The following GEMIN5 variants were observed in gnomAD, a reference collection of about 807,000 sequenced individuals.
The protein encoded by GEMIN5 is gem nuclear organelle associated protein 5, also known as gem-associated protein 5.
A neutral mutation model predicts 176.9 loss-of-function variants in GEMIN5; 124 were observed. The ratio of observed to expected loss-of-function variants is 0.70; its 90% CI spans 0.61 to 0.81. The LOEUF is 0.81. Ranked by LOEUF, GEMIN5 falls within the 40% of genes least tolerant of loss-of-function variation. The probability of loss-of-function intolerance (pLI) is 0.00; values close to 1 mark genes in which losing one functional copy is unlikely to be tolerated. For synonymous variants in GEMIN5, 673 were observed against 665.2 expected (o/e 1.01, Z -0.18); for missense variants, 1,843 against 1,814.6 (o/e 1.02, Z -0.28).
intron 24 of GEMIN5, among the ~76,000 whole-genome samples, chr5:154,894,673 G>A (rs925507744): frequency 1.3e-5 from 2 of 152,054 alleles, no homozygotes; most frequent in African/African-American, 2.4e-5. Context: ...TTGGGAGGCC[G>A]AAGTGGGCAA....
Position 154,936,031 on chromosome 5 carries a change from C to A in GEMIN5, c.328-9G>T, listed in dbSNP as rs1257890178. 6.4e-7 allele frequency: 1 copy of A among 1,551,008 alleles called. No homozygotes were observed. Among genetic ancestry groups the A allele is most frequent in the African/African-American group, 1.4e-5 (1 of 72,226 alleles). On this transcript the variant is annotated splice_polypyrimidine_tract_variant and intron_variant, in intron 2 of 27. Coordinates refer to ENST00000285873, the MANE Select transcript of GEMIN5 (RefSeq NM_015465.5). The stretch of plus-strand genomic sequence containing the variant: ...AATGTTGATATCGTATGCTTTAAAA[C>A]AAAACAAAAATTTGTTATTGTCAAT...
At chr5:154,912,762 T>C in intron 14 of GEMIN5, 137 bp downstream of exon 14, 1 of 708,484 alleles carries the variant, frequency 1.4e-6, no homozygotes, top group Non-Finnish European at 2.2e-6. Flanking sequence ...CTAAAATGCC[T>C]CCTAGAGCCC....
intron 11 of GEMIN5, among the ~76,000 whole-genome samples, chr5:154,919,252 A>T (rs1763872613): frequency 6.6e-6 from 1 of 151,970 alleles, no homozygotes. Flanking sequence ...AATCTCATGA[A>T]CCTAGGAGGC....
At position 154,907,604 on chromosome 5, in the gene GEMIN5, G is replaced by T. The variant is rs144462633; in HGVS notation, c.2382C>A (p.Gly794=). ...EQAREPELPC[G]LAPAVSREPV... is the part of the protein sequence containing the mutation. The stretch of plus-strand genomic sequence containing the variant: ...TCTGCCACATACCCGCTGGAGCAAG[G>T]CCACAGGGTAATTCCGGCTCCCGTG... The change falls in exon 16 of 28, where the codon GGC becomes GGA. Residue 794 remains glycine (G), a synonymous_variant. Transcript: ENST00000285873. 5.1e-5 allele frequency: 83 copies of T among 1,612,850 alleles called. No individual in the cohort carries two copies. Among genetic ancestry groups the T allele is most frequent in the Non-Finnish European group, 1.4e-5 (16 of 1,178,994 alleles).
chr5:154,931,258 G>C (rs1011563330), intron 5 of GEMIN5, among the ~76,000 whole-genome samples, 200 bp downstream of exon 5: 1 of 152,204 alleles, frequency 6.6e-6, no homozygotes, highest in Non-Finnish European at 1.5e-5. Flanking sequence ...TGGAATGCAT[G>C]GGAAATACTA....
rs779196237 is a variant in GEMIN5 at position 154,904,490 on chromosome 5, G to C, written c.2632+17C>G. 1 of 1,611,650 alleles carries C rather than the reference G, an allele frequency of 6.2e-7. No homozygotes were observed. Among genetic ancestry groups the C allele is most frequent in the Non-Finnish European group, 8.5e-7 (1 of 1,177,964 alleles). On this transcript the variant is annotated intron_variant, in intron 18 of 27. Coordinates refer to ENST00000285873, the MANE Select transcript of GEMIN5 (RefSeq NM_015465.5). ...CCCGGAAGACTATGGATGGGCCAAG[G>C]AAGTACATTTTTGTACCTCTGGAGT...
At position 154,938,085 on chromosome 5, in the gene GEMIN5, C is replaced by G. The variant is rs1057112924; in HGVS notation, c.49G>C (p.Ala17Pro). Residue 17 changes from alanine to proline, a missense_variant, in exon 1 of 28, where the codon GCC becomes CCC. Physicochemically the swap from Ala to Pro is conservative, Grantham distance 27 (BLOSUM62 -1). Transcript: ENST00000285873. ...CCGGGCACGGCATCGCTGCAGCGGG[C>G]GCAGTACCAGTTGGGGGAGGGCGGC... is the stretch of plus-strand genomic sequence containing the variant. Reference protein sequence around the residue: ...TLPPSPNWYCARCSDAVPGGL... With the variant: ...TLPPSPNWYCPRCSDAVPGGL... The G allele has an allele frequency of 6.7e-7, 1 of 1,496,974 alleles. No homozygotes were observed. The highest frequency in any genetic ancestry group is 8.9e-7 in the Non-Finnish European group (1 of 1,126,214). The allele number at this position is 1,496,974 out of a possible 1,614,324, so 92.7% of individuals were successfully genotyped here.
At position 154,891,494 on chromosome 5, in the gene GEMIN5, T is replaced by A. The variant is rs1160414036; in HGVS notation, c.4009A>T (p.Arg1337Trp). Reference sequence around the variant, plus strand: ...AGTCTCAAGTCTAGTTCTGAAGGCCTGTTTGGCTCTGGCTGAGAAGTTTCA... The same window carrying A: ...AGTCTCAAGTCTAGTTCTGAAGGCCAGTTTGGCTCTGGCTGAGAAGTTTCA... ...DPETSQPEPN[R>W]PSELDLRLTE... is the part of the protein sequence containing the mutation. Residue 1337 changes from arginine to tryptophan, a missense_variant, in exon 26 of 28, where the codon AGG (arginine) becomes TGG (tryptophan). Coordinates refer to ENST00000285873, the MANE Select transcript of GEMIN5 (RefSeq NM_015465.5). 1 of 1,614,210 alleles carries A rather than the reference T, an allele frequency of 6.2e-7. No homozygotes were observed. Among genetic ancestry groups the A allele is most frequent in the South Asian group, 1.1e-5 (1 of 91,084 alleles).
At chr5:154,933,924 A>C (rs1764214071) in intron 3 of GEMIN5, among the ~76,000 whole-genome samples, 2 of 152,104 alleles carry the variant, frequency 1.3e-5, no homozygotes, top group African/African-American at 4.8e-5. Flanking sequence ...CTGCCGATCC[A>C]GTCCCCTTCC....
chr5:154,898,666 A>T lies in GEMIN5; in HGVS notation c.3135-16T>A. 1 of 1,541,642 alleles carries T rather than the reference A, an allele frequency of 6.5e-7. No homozygotes were observed. The highest frequency in any genetic ancestry group is 9.0e-7 in the Non-Finnish European group (1 of 1,114,254). On this transcript the variant is annotated splice_polypyrimidine_tract_variant and intron_variant, in intron 22 of 27. Transcript: ENST00000285873. ...CCCTAAATAGCTATAATATGAATAA[A>T]AATGTGAAGAAAATGTCACAAACAG... is the stretch of plus-strand genomic sequence containing the variant.
intron 5 of GEMIN5, among the ~76,000 whole-genome samples, chr5:154,930,072 T>TG (rs1251198457): frequency 1.3e-4 from 20 of 152,094 alleles, no homozygotes; most frequent in African/African-American, 4.6e-4. Flanking sequence ...TTCGATTACC[T>TG]GCTCCATCCT....
intron 3 of GEMIN5, among the ~76,000 whole-genome samples, chr5:154,932,709 G>T (rs932127741): frequency 8.5e-5 from 13 of 152,112 alleles, no homozygotes; most frequent in Admixed American, 2.0e-4. Context: ...GGGACTAAAG[G>T]TACATGCCAT....
intron 1 of GEMIN5, 56 bp downstream of exon 1, chr5:154,937,912 G>A: frequency 2.1e-6 from 3 of 1,414,566 alleles, no homozygotes; most frequent in African/African-American, 1.5e-5. Flanking sequence ...TCCACTCGGC[G>A]CCCCTGGGGA....
rs571693543 is a variant in GEMIN5, at chr5:154,893,357, G to A, written c.3598-808C>T. Among the ~76,000 whole-genome samples, 5 of 149,984 alleles carry A rather than the reference G, an allele frequency of 3.3e-5. No individual in the cohort carries two copies. The South Asian group carries it at 8.4e-4, about 25-fold the overall frequency. On this transcript the variant is annotated intron_variant, in intron 24 of 27. Coordinates refer to ENST00000285873, the MANE Select transcript of GEMIN5 (RefSeq NM_015465.5). ...AGGCGGAAGAATTGCTTGAACCCGA[G>A]AGGCGGAGGTTGCAGTAAGCCACTA...
chr5:154,935,047 A>G (rs1764239934), intron 3 of GEMIN5, among the ~76,000 whole-genome samples: 2 of 152,172 alleles, frequency 1.3e-5, no homozygotes. Context: ...TTGACTTTTC[A>G]GCAATACCCC....
At chr5:154,934,018 ATT>A (rs1043323005) in intron 3 of GEMIN5, among the ~76,000 whole-genome samples, 7 of 151,830 alleles carry the variant, frequency 4.6e-5, no homozygotes, top group Admixed American at 2.0e-4. Flanking sequence ...CATCACTATC[ATT>A]GACTTTTTTT....
chr5:154,909,078 C>T (rs1763637017), intron 15 of GEMIN5, among the ~76,000 whole-genome samples: 1 of 151,772 alleles, frequency 6.6e-6, no homozygotes, highest in African/African-American at 2.4e-5. Context: ...CCTGCCTCAG[C>T]CTCTTGAATA....
At position 154,934,226 on chromosome 5, in the gene GEMIN5, G is replaced by T. The variant is rs181978373; in HGVS notation, c.509+1615C>A. On this transcript the variant is annotated intron_variant, in intron 3 of 27. Coordinates refer to ENST00000285873, the MANE Select transcript of GEMIN5 (RefSeq NM_015465.5). ...TTTGAGACAGAGTTTCGCTCTTGTTGCCCAGGCTGGGGTGCAATGGCTCAA... is the reference window on the plus strand; with the variant it reads ...TTTGAGACAGAGTTTCGCTCTTGTTTCCCAGGCTGGGGTGCAATGGCTCAA... 9.0e-3 allele frequency among the ~76,000 whole-genome samples: 1,377 copies of T among 152,204 alleles called. 6 individuals carry two copies. Among genetic ancestry groups the T allele is most frequent in the Middle Eastern group, 0.014 (4 of 294 alleles).
intron 5 of GEMIN5, among the ~76,000 whole-genome samples, chr5:154,930,549 A>G (rs1188971528): frequency 6.6e-6 from 1 of 152,242 alleles, no homozygotes; most frequent in African/African-American, 2.4e-5. Flanking sequence ...ACCAACATCA[A>G]TGAACCTCGG....
Sources: gnomAD v4.1 joint callset for allele counts (sites outside exome capture counted in the v4.1 genomes callset) on GRCh38, gnomAD v4.1.1 for gene constraint, MANE v1.5 for transcripts, NCBI Gene and HGNC (gene_info 2026-07-23, HGNC 2026-07-21) for gene names.